PCTP: variants seen among roughly 807,000 people sequenced by gnomAD.
The protein encoded by PCTP is START domain-containing protein 2.
In PCTP, 27 loss-of-function variants were observed where a neutral mutation model predicts 31.0. The observed-to-expected ratio is 0.87, with a 90% CI of 0.64 to 1.20. PCTP has a LOEUF of 1.20. Among genes scored for constraint, PCTP ranks in the 50% most tolerant of loss-of-function variants. PCTP has a pLI of 0.00. For synonymous variants in PCTP, 108 were observed against 101.2 expected, an observed-to-expected ratio of 1.07 and a Z score of -0.40; for missense variants, 287 against 268.2, an observed-to-expected ratio of 1.07 and a Z score of -0.49.
At chr17:55,810,863 C>T (rs1912729740) in intron 3 of PCTP, among the ~76,000 whole-genome samples, 1 of 152,086 alleles carries the variant, frequency 6.6e-6, no homozygotes, top group Non-Finnish European at 1.5e-5. Context: ...GCTTAATGAC[C>T]AGGAGAATAA....
chr17:55,788,038 CT>C (rs1911815772), intron 3 of PCTP, among the ~76,000 whole-genome samples: 1 of 151,962 alleles, frequency 6.6e-6, no homozygotes, highest in Non-Finnish European at 1.5e-5. Context: ...CTGGTTTATC[CT>C]TTTAAAACCA....
At chr17:55,761,943 G>A (rs1910360916) in intron 1 of PCTP, among the ~76,000 whole-genome samples, 1 of 152,164 alleles carries the variant, frequency 6.6e-6, no homozygotes, top group Admixed American at 6.5e-5. Context: ...GGTAAGGAGA[G>A]ACTTGTATTC....
chr17:55,841,699 G>C (rs768305664), intron 5 of PCTP, among the ~76,000 whole-genome samples: 2 of 152,124 alleles, frequency 1.3e-5, no homozygotes, highest in Non-Finnish European at 2.9e-5. Context: ...AGACTATCCT[G>C]CATTTCCTGG....
chr17:55,782,227 A>G (rs546768370), downstream of PCTP, among the ~76,000 whole-genome samples: 1 of 152,240 alleles, frequency 6.6e-6, no homozygotes, highest in East Asian at 1.9e-4. Context: ...AACCTCCTAT[A>G]TTGGGGACAG....
intron 5 of PCTP, among the ~76,000 whole-genome samples, chr17:55,833,061 T>C (rs1316246330): frequency 1.3e-5 from 2 of 152,148 alleles, no homozygotes; most frequent in African/African-American, 4.8e-5. Context: ...TTCAGAGGGG[T>C]GTGGACTGAG....
chr17:55,751,119 G>A lies in PCTP; in HGVS notation c.16G>A (p.Gly6Arg). MELAAGSFSEEQFWEA... is the reference protein window; with the variant it reads MELAARSFSEEQFWEA... ...CTGCGGAAGGATGGAGCTGGCCGCC[G>A]GAAGCTTCTCGGAGGAGCAGTTCTG... Residue 6 changes from glycine to arginine, a missense_variant, in exon 1 of 6, where the codon GGA becomes AGA. Gly to Arg is a moderately radical substitution (Grantham distance 125, BLOSUM62 -2). Transcript: ENST00000268896. The A allele has an allele frequency of 6.5e-7, 1 of 1,541,756 alleles. No homozygotes were observed. Among genetic ancestry groups the A allele is most frequent in the East Asian group, 2.5e-5 (1 of 40,678 alleles).
chr17:55,761,013 C>T (rs1041657420), intron 1 of PCTP, among the ~76,000 whole-genome samples: 2 of 152,116 alleles, frequency 1.3e-5, no homozygotes, highest in African/African-American at 4.8e-5. Context: ...TTGGGAATGA[C>T]ATGCAGAGAA....
At chr17:55,809,245 A>G (rs770458036) in intron 3 of PCTP, among the ~76,000 whole-genome samples, 1 of 152,172 alleles carries the variant, frequency 6.6e-6, no homozygotes. Context: ...AAAAAACAAA[A>G]CACAAACTCT....
intron 3 of PCTP, 165 bp from the exon 4 acceptor site, chr17:55,773,559 G>A (rs765062712): frequency 1.0e-5 from 6 of 601,358 alleles, no homozygotes; most frequent in East Asian, 2.8e-5. Flanking sequence ...GCACAGTCTT[G>A]CAGTGCAGGT....
intron 2 of PCTP, among the ~76,000 whole-genome samples, chr17:55,786,448 A>G (rs972344465): frequency 6.6e-6 from 1 of 152,262 alleles, no homozygotes; most frequent in Non-Finnish European, 1.5e-5. Context: ...ATGTATACAT[A>G]TGTAACAAAC....
At chr17:55,831,810 G>A (rs1362118797) in intron 5 of PCTP, among the ~76,000 whole-genome samples, 1 of 152,140 alleles carries the variant, frequency 6.6e-6, no homozygotes, top group Non-Finnish European at 1.5e-5. Flanking sequence ...GGCTGGACGT[G>A]GTGGCTCACA....
downstream of PCTP, among the ~76,000 whole-genome samples, chr17:55,825,835 C>G (rs1905378470): frequency 6.6e-6 from 1 of 152,212 alleles, no homozygotes; most frequent in South Asian, 2.1e-4. Flanking sequence ...AATCCCATTC[C>G]TCCTCATTCT....
chr17:55,805,631 G>T (rs1350597508), intron 3 of PCTP, among the ~76,000 whole-genome samples: 2 of 151,670 alleles, frequency 1.3e-5, no homozygotes, highest in East Asian at 3.9e-4. Context: ...TATATGATAG[G>T]AGATTTTAAT....
chr17:55,771,026 C>T (rs891145273), intron 2 of PCTP, 80 bp from the exon 3 acceptor site: 12 of 1,071,008 alleles, frequency 1.1e-5, no homozygotes, highest in Non-Finnish European at 1.7e-5. Context: ...AGCCACCATG[C>T]TTGGCCTAAG....
the PCTP span, among the ~76,000 whole-genome samples, chr17:55,852,313 A>C: frequency 6.6e-6 from 1 of 152,160 alleles, no homozygotes; most frequent in Non-Finnish European, 1.5e-5. Flanking sequence ...GGTGACAATG[A>C]ACTGGAAAAG....
intron 1 of PCTP, among the ~76,000 whole-genome samples, chr17:55,755,786 A>G (rs902673900): frequency 3.9e-5 from 6 of 152,216 alleles, no homozygotes; most frequent in Non-Finnish European, 5.9e-5. Flanking sequence ...TGCAAATTAT[A>G]AATGCTGTCA....
downstream of PCTP, among the ~76,000 whole-genome samples, chr17:55,825,474 T>A (rs1905364016): frequency 1.3e-5 from 2 of 152,236 alleles, no homozygotes; most frequent in African/African-American, 4.8e-5. Flanking sequence ...CAGGGGAAGG[T>A]AGAGTCATCT....
intron 3 of PCTP, among the ~76,000 whole-genome samples, chr17:55,813,675 G>C (rs1003027699): frequency 1.3e-5 from 2 of 152,114 alleles, no homozygotes; most frequent in South Asian, 4.1e-4. Context: ...GTCTTTGCTC[G>C]TGCATCATCT....
chr17:55,834,983 G>A (rs1598023326), intron 5 of PCTP, among the ~76,000 whole-genome samples: 1 of 152,258 alleles, frequency 6.6e-6, no homozygotes, highest in African/African-American at 2.4e-5. Flanking sequence ...AATAGGGTGG[G>A]CCCTAAATCC....
Sources: allele counts gnomAD v4.1 joint callset (sites outside exome capture counted in the v4.1 genomes callset), GRCh38; gene constraint gnomAD v4.1.1; transcripts MANE v1.5; gene names NCBI Gene and HGNC (gene_info 2026-07-23, HGNC 2026-07-21).